The following EXOC5 variants were observed in gnomAD, a reference collection of about 807,000 sequenced individuals.
EXOC5 encodes exocyst complex component 5.
A neutral mutation model predicts 90.8 loss-of-function variants in EXOC5; 17 were observed. The observed-to-expected ratio is 0.19, with a 90% CI of 0.13 to 0.28. EXOC5 has a LOEUF of 0.28. Among genes scored for constraint, EXOC5 ranks in the 10% least tolerant of loss-of-function variants. EXOC5 has a pLI of 1.00. For missense variants in EXOC5, 569 were observed against 830.6 expected (o/e 0.69, Z 3.87); for synonymous variants, 260 against 270.0 (o/e 0.96, Z 0.36).
At chr14:57,267,904 GA>G (rs1566510475) in intron 1 of EXOC5, among the ~76,000 whole-genome samples, 1 of 151,998 alleles carries the variant, frequency 6.6e-6, no homozygotes, top group Admixed American at 6.6e-5. Context: ...TACATGAAAC[GA>G]AGTGTTCGTT....
At chr14:57,235,261 C>A (rs1303899424) in intron 7 of EXOC5, among the ~76,000 whole-genome samples, 2 of 152,120 alleles carry the variant, frequency 1.3e-5, no homozygotes, top group African/African-American at 4.8e-5. Flanking sequence ...TCTAGGTAAA[C>A]AATTCCGTAA....
At chr14:57,226,961 G>C (rs146903437) in intron 12 of EXOC5, among the ~76,000 whole-genome samples, 1 of 152,126 alleles carries the variant, frequency 6.6e-6, no homozygotes, top group African/African-American at 2.4e-5. Flanking sequence ...GAACAGAAAA[G>C]TATTATTAAA....
intron 6 of EXOC5, among the ~76,000 whole-genome samples, 152 bp from the exon 7 acceptor site, chr14:57,235,972 C>A (rs1883645891): frequency 6.6e-6 from 1 of 152,156 alleles, no homozygotes; most frequent in South Asian, 2.1e-4. Flanking sequence ...GTGAACCCAG[C>A]CCCTGTAATA....
chr14:57,239,036 C>T (rs992799169), intron 5 of EXOC5, among the ~76,000 whole-genome samples: 4 of 151,668 alleles, frequency 2.6e-5, no homozygotes, highest in African/African-American at 7.3e-5. Context: ...GGCTCTGGGG[C>T]CTTGCATTTT....
Position 57,201,578 on chromosome 14 carries a change from A to T in EXOC5, c.*7031T>A, listed in dbSNP as rs1021453968. The T allele has an allele frequency of 7.6e-5, 11 of 144,860 alleles. No individual in the cohort carries two copies. The highest frequency in any genetic ancestry group is 2.8e-4 in the African/African-American group (11 of 39,536). 9.0% of individuals were successfully genotyped at this position (144,860 alleles called of 1,614,324 possible). ...TTATATATATTAATATTATATATAT[A>T]TATATATATATATATATAAAGGATG... is the stretch of plus-strand genomic sequence containing the variant. On this transcript the variant is annotated 3_prime_UTR_variant, in exon 18 of 18. Coordinates refer to ENST00000621441, the MANE Select transcript of EXOC5 (RefSeq NM_006544.4).
chr14:57,245,979 G>A (rs939412907), intron 3 of EXOC5, among the ~76,000 whole-genome samples: 5 of 152,022 alleles, frequency 3.3e-5, no homozygotes, highest in Non-Finnish European at 7.4e-5. Flanking sequence ...GAACTTGGGA[G>A]GTGGAGGTTG....
chr14:57,261,691 C>A (rs1414759708), intron 1 of EXOC5, among the ~76,000 whole-genome samples: 2 of 152,222 alleles, frequency 1.3e-5, no homozygotes, highest in Non-Finnish European at 2.9e-5. Flanking sequence ...CTCTGCTCCA[C>A]ATGAAATAAG....
rs548623493 is a variant in EXOC5, at chr14:57,262,752, T to C, written c.27+5870A>G. Among the ~76,000 whole-genome samples, 3 of 150,062 alleles carry C rather than the reference T, an allele frequency of 2.0e-5. No homozygotes were observed. The South Asian group carries it at 6.3e-4, about 31-fold the overall frequency. On this transcript the variant is annotated intron_variant, in intron 1 of 17. Coordinates refer to ENST00000621441, the MANE Select transcript of EXOC5 (RefSeq NM_006544.4). ...ATATACGTATATATGTGTGTGTGTA[T>C]ATATATACTTAATGAATATATTATT...
At chr14:57,255,808 G>A (rs1884332112) in intron 1 of EXOC5, among the ~76,000 whole-genome samples, 1 of 151,162 alleles carries the variant, frequency 6.6e-6, no homozygotes, top group African/African-American at 2.4e-5. Flanking sequence ...CTCCAGCCTG[G>A]GCGACTGAGC....
In EXOC5 at chr14:57,200,892, A is replaced by G. The variant is rs1348739085; in HGVS notation, c.*7717T>C. ...ATTCTTATTCCCTCAATTTGGTCCTAAAGCCAAAACTTCAAGAGCTATGTG... is the reference window on the plus strand; with the variant it reads ...ATTCTTATTCCCTCAATTTGGTCCTGAAGCCAAAACTTCAAGAGCTATGTG... On this transcript the variant is annotated 3_prime_UTR_variant, in exon 18 of 18. Transcript: ENST00000621441. 6.6e-6 allele frequency: 1 copy of G among 152,178 alleles called. No homozygotes were observed. Among genetic ancestry groups the G allele is most frequent in the African/African-American group, 2.4e-5 (1 of 41,436 alleles). The allele number at this position is 152,178 out of a possible 1,614,324, so 9.4% of individuals were successfully genotyped here.
At chr14:57,231,752 C>CCTAAAATGTAT in intron 10 of EXOC5, 37 bp from the exon 11 acceptor site, 3 of 1,360,820 alleles carry the variant, frequency 2.2e-6, no homozygotes, top group South Asian at 1.3e-5. Flanking sequence ...GATTAATATA[C>CCTAAAATGTAT]ATTTTAGGTA....
intron 1 of EXOC5, among the ~76,000 whole-genome samples, chr14:57,261,172 T>C (rs933547471): frequency 2.0e-5 from 3 of 152,188 alleles, no homozygotes; most frequent in African/African-American, 7.2e-5. Context: ...AACTAGAACT[T>C]TCGTTTAATT....
At chr14:57,256,578 A>G (rs912441156) in intron 1 of EXOC5, among the ~76,000 whole-genome samples, 3 of 152,212 alleles carry the variant, frequency 2.0e-5, no homozygotes, top group Admixed American at 1.3e-4. Context: ...AGTAAAGTCT[A>G]ATAGTGGAAC....
At chr14:57,216,257 A>G (rs1882969193) in intron 15 of EXOC5, among the ~76,000 whole-genome samples, 1 of 148,780 alleles carries the variant, frequency 6.7e-6, no homozygotes, top group South Asian at 2.1e-4. Flanking sequence ...TCAAAATTCC[A>G]AAGGCATTTT....
At chr14:57,265,850 T>G (rs950541495) in intron 1 of EXOC5, among the ~76,000 whole-genome samples, 4 of 152,260 alleles carry the variant, frequency 2.6e-5, no homozygotes, top group African/African-American at 9.6e-5. Flanking sequence ...ACACTGTACA[T>G]GGATCTTTTC....
intron 2 of EXOC5, among the ~76,000 whole-genome samples, chr14:57,247,397 C>T (rs1373524096): frequency 6.6e-6 from 1 of 152,068 alleles, no homozygotes; most frequent in African/African-American, 2.4e-5. Flanking sequence ...TTCTTATACT[C>T]AATAAAATTA....
At chr14:57,225,185 G>T (rs1248931572) in intron 12 of EXOC5, among the ~76,000 whole-genome samples, 3 of 152,146 alleles carry the variant, frequency 2.0e-5, no homozygotes, top group Non-Finnish European at 4.4e-5. Context: ...ATGACCAACT[G>T]GAGTTTATCA....
chr14:57,228,531 A>G (rs972552568), intron 12 of EXOC5, among the ~76,000 whole-genome samples: 3 of 152,210 alleles, frequency 2.0e-5, no homozygotes, highest in Admixed American at 2.0e-4. Context: ...GCCATCAAAA[A>G]GGATGAGTTC....
At chr14:57,268,482 G>A in intron 1 of EXOC5, 140 bp downstream of exon 1, 2 of 1,480,438 alleles carry the variant, frequency 1.4e-6, no homozygotes, top group Admixed American at 2.2e-5. Flanking sequence ...ACACGGAGCT[G>A]CCACCCCAAC....
Sources: allele counts gnomAD v4.1 joint callset (sites outside exome capture counted in the v4.1 genomes callset), GRCh38; gene constraint gnomAD v4.1.1; transcripts MANE v1.5; gene names NCBI Gene and HGNC (gene_info 2026-07-23, HGNC 2026-07-21).